CEP83: variants seen among roughly 807,000 people sequenced by gnomAD.
CEP83 encodes centrosomal protein of 83 kDa.
CEP83 carries 70 observed loss-of-function variants against 101.9 expected under a neutral mutation model. The ratio of observed to expected loss-of-function variants is 0.69; its 90% confidence interval spans 0.57 to 0.84. The LOEUF is 0.84. CEP83 is among the 40% of genes least tolerant of loss of function. The pLI, the probability that CEP83 is intolerant of heterozygous loss-of-function variation, is 0.00. For synonymous variants in CEP83, 264 were observed against 267.9 expected (o/e 0.99, Z 0.14); for missense variants, 715 against 787.2 (o/e 0.91, Z 1.10).
rs117482233 is a variant in CEP83, at chr12:94,452,779, T to C, written c.-155+6778A>G. 8.2e-4 allele frequency among the ~76,000 whole-genome samples: 125 copies of C among 152,212 alleles called. 1 individual carries two copies. The East Asian group carries it at 0.022, about 27-fold the overall frequency. Reference sequence around the variant, plus strand: ...GTATGTAGTTCAGAAGAGTCATTAATAATGGCAAGGATAAAAATCAACAAT... The same window carrying C: ...GTATGTAGTTCAGAAGAGTCATTAACAATGGCAAGGATAAAAATCAACAAT... On this transcript the variant is annotated intron_variant, in intron 1 of 16. Coordinates refer to ENST00000397809, the MANE Select transcript of CEP83 (RefSeq NM_016122.3).
At chr12:94,385,966 G>A (rs531572819) in intron 6 of CEP83, among the ~76,000 whole-genome samples, 11 of 152,220 alleles carry the variant, frequency 7.2e-5, no homozygotes, top group Admixed American at 5.2e-4. Context: ...TTACAGGTTT[G>A]TAGCCTAGGA....
intron 4 of CEP83, among the ~76,000 whole-genome samples, chr12:94,403,739 A>C (rs1470756972): frequency 6.6e-6 from 1 of 152,186 alleles, no homozygotes; most frequent in Non-Finnish European, 1.5e-5. Context: ...TATTTTAATA[A>C]GTAATTAAAT....
At chr12:94,334,502 C>T (rs1246407506) in intron 12 of CEP83, among the ~76,000 whole-genome samples, 1 of 152,132 alleles carries the variant, frequency 6.6e-6, no homozygotes, top group Non-Finnish European at 1.5e-5. Context: ...ATTTTCCTTT[C>T]ACTTCCTTTT....
chr12:94,424,143 G>A (rs556753477), intron 2 of CEP83: 260 of 1,603,142 alleles, frequency 1.6e-4, no homozygotes, highest in Admixed American at 1.3e-4. Context: ...AGTGCAGACC[G>A]AGCAAGCATC....
chr12:94,280,798 G>A, the CEP83 span, among the ~76,000 whole-genome samples: 33 of 152,344 alleles, frequency 2.2e-4, no homozygotes, highest in African/African-American at 6.5e-4. Context: ...TGGTCCTGCC[G>A]CTGATGAGTA....
intron 6 of CEP83, among the ~76,000 whole-genome samples, chr12:94,382,984 A>T (rs1419913373): frequency 6.6e-6 from 1 of 152,100 alleles, no homozygotes; most frequent in Non-Finnish European, 1.5e-5. Flanking sequence ...CTATAATTAT[A>T]GATTTGTCTA....
At position 94,378,985 on chromosome 12, in the gene CEP83, G is replaced by C. The variant is rs1474228719; in HGVS notation, c.607C>G (p.Leu203Val). The C allele has an allele frequency of 6.2e-7, 1 of 1,613,528 alleles. No individual in the cohort carries two copies. The highest frequency in any genetic ancestry group is 2.2e-5 in the East Asian group (1 of 44,876). Residue 203 changes from leucine (L) to valine (V), a missense_variant, in exon 7 of 17, where the codon CTC becomes GTC. Transcript: ENST00000397809. ...TCCACTCGTTTGCTGTCTTTTGTGA[G>C]ATCAACATTAAGCAGCTGGTTACGT... is the stretch of plus-strand genomic sequence containing the variant. ...ELRNQLLNVD[L>V]TKDSKRVEQL...
At chr12:94,281,109 T>C in the CEP83 span, among the ~76,000 whole-genome samples, 6 of 152,142 alleles carry the variant, frequency 3.9e-5, no homozygotes, top group Non-Finnish European at 8.8e-5. Flanking sequence ...TGAAACTCTG[T>C]CTCTACTACA....
intron 2 of CEP83, chr12:94,433,992 A>G (rs2065823200): frequency 6.6e-6 from 1 of 152,226 alleles, no homozygotes; most frequent in Non-Finnish European, 1.5e-5. Flanking sequence ...TAAAACACTC[A>G]GAATAACTAC....
At chr12:94,362,387 A>G (rs944916779) in intron 11 of CEP83, among the ~76,000 whole-genome samples, 2 of 152,238 alleles carry the variant, frequency 1.3e-5, no homozygotes, top group Non-Finnish European at 2.9e-5. Context: ...TGGGAGGCCA[A>G]GGCAGGTGGA....
At chr12:94,304,032 TC>T, downstream of CEP83, 2 of 1,560,872 alleles carry the variant, frequency 1.3e-6, no homozygotes, top group Non-Finnish European at 1.8e-6. Context: ...TACAAATACA[TC>T]GTAAAATATT....
intron 1 of CEP83, among the ~76,000 whole-genome samples, chr12:94,449,779 TAAAAAAA>T (rs71071787): frequency 3.3e-4 from 16 of 48,566 alleles, no homozygotes; most frequent in African/African-American, 1.7e-3. Context: ...TCTCAAACAA[TAAAAAAA>T]AAAAAAAAAA....
At chr12:94,282,619 T>C in the CEP83 span, among the ~76,000 whole-genome samples, 2 of 152,210 alleles carry the variant, frequency 1.3e-5, no homozygotes, top group Admixed American at 1.3e-4. Flanking sequence ...AAGGCTATGA[T>C]TTTCTATCTC....
chr12:94,413,981 C>T (rs1378810999), intron 2 of CEP83, among the ~76,000 whole-genome samples: 2 of 151,994 alleles, frequency 1.3e-5, no homozygotes, highest in Non-Finnish European at 2.9e-5. Flanking sequence ...AATTATTCAG[C>T]CTTGCTTGAA....
intron 9 of CEP83, chr12:94,368,945 A>C (rs534437319): frequency 6.6e-6 from 1 of 152,222 alleles, no homozygotes; most frequent in South Asian, 2.1e-4. Flanking sequence ...ATTTGAGCCC[A>C]GGAGTTCAAG....
At chr12:94,353,579 A>AC (rs1438034364) in intron 11 of CEP83, among the ~76,000 whole-genome samples, 1 of 152,188 alleles carries the variant, frequency 6.6e-6, no homozygotes, top group Admixed American at 6.5e-5. Context: ...GTCCTTCTCT[A>AC]CCAAGAATAA....
In CEP83 at chr12:94,431,551, A is replaced by G. The variant is rs140569838; in HGVS notation, c.-102+3724T>C. On this transcript the variant is annotated intron_variant, in intron 2 of 16. Transcript: ENST00000397809. ...ATATTTGCAAACCATTCACCTGACA[A>G]GGGACTAATACCTAGAATATACAAG... is the stretch of plus-strand genomic sequence containing the variant. Among the ~76,000 whole-genome samples the G allele has an allele frequency of 4.6e-5, 7 of 152,190 alleles. 1 individual carries two copies. The highest frequency in any genetic ancestry group is 2.0e-4 in the Admixed American group (3 of 15,286).
downstream of CEP83, among the ~76,000 whole-genome samples, chr12:94,301,912 C>T (rs577007232): frequency 1.7e-4 from 26 of 152,224 alleles, no homozygotes; most frequent in Non-Finnish European, 3.1e-4. Context: ...TATTGGTTAC[C>T]ACTTACTTCT....
At chr12:94,421,367 C>CCTT (rs1321403932) in intron 2 of CEP83, among the ~76,000 whole-genome samples, 2 of 151,992 alleles carry the variant, frequency 1.3e-5, no homozygotes, top group African/African-American at 4.8e-5. Context: ...CCTTATAATT[C>CCTT]ACAATTTTTT....
Sources: allele counts gnomAD v4.1 joint callset (sites outside exome capture counted in the v4.1 genomes callset), GRCh38; gene constraint gnomAD v4.1.1; transcripts MANE v1.5; gene names NCBI Gene and HGNC (gene_info 2026-07-23, HGNC 2026-07-21).